SKAP1: variants seen among roughly 807,000 people sequenced by gnomAD.
SKAP1 encodes src kinase associated phosphoprotein 1, also known as src kinase-associated phosphoprotein 1.
Under a neutral mutation model 58.5 loss-of-function variants are expected in SKAP1, and 44 were observed. The observed-to-expected ratio is 0.75, with a 90% CI of 0.59 to 0.97. The LOEUF (loss-of-function observed/expected upper bound fraction) is 0.97. SKAP1 is among the 50% of genes least tolerant of loss of function. SKAP1 has a pLI of 0.00. For synonymous variants in SKAP1, 127 were observed against 149.7 expected (o/e 0.85, Z 1.11); for missense variants, 390 against 435.2 (o/e 0.90, Z 0.92).
chr17:48,358,484 C>T (rs763890148), intron 3 of SKAP1, among the ~76,000 whole-genome samples: 10 of 152,082 alleles, frequency 6.6e-5, no homozygotes, highest in Non-Finnish European at 1.2e-4. Context: ...TTTGTTCTTC[C>T]ATTCAACATG....
chr17:48,233,948 G>A (rs2065153415), intron 4 of SKAP1, among the ~76,000 whole-genome samples: 1 of 152,162 alleles, frequency 6.6e-6, no homozygotes, highest in Admixed American at 6.5e-5. Flanking sequence ...AGAGTTCCAA[G>A]TTGTTTGAGT....
chr17:48,212,749 T>C (rs1030325047), intron 4 of SKAP1, among the ~76,000 whole-genome samples: 1 of 152,208 alleles, frequency 6.6e-6, no homozygotes, highest in African/African-American at 2.4e-5. Context: ...TCCAATCTGA[T>C]CTCCCTAAAT....
intron 10 of SKAP1, among the ~76,000 whole-genome samples, chr17:48,163,123 C>T (rs191391379): frequency 2.6e-5 from 4 of 152,100 alleles, no homozygotes; most frequent in South Asian, 4.2e-4. Flanking sequence ...AATACTGAAA[C>T]GAATAGCCCA....
chr17:48,282,530 T>C (rs1215539688), intron 4 of SKAP1, among the ~76,000 whole-genome samples: 1 of 152,162 alleles, frequency 6.6e-6, no homozygotes, highest in African/African-American at 2.4e-5. Flanking sequence ...TCTCAGCACT[T>C]TGGGAGGCCA....
intron 4 of SKAP1, among the ~76,000 whole-genome samples, chr17:48,246,529 C>T (rs2065299002): frequency 6.6e-6 from 1 of 152,218 alleles, no homozygotes; most frequent in Non-Finnish European, 1.5e-5. Flanking sequence ...AGTCATCCTT[C>T]AAAGCCTGAT....
chr17:48,433,437 T>C (rs370564901), upstream of SKAP1, among the ~76,000 whole-genome samples: 3 of 152,218 alleles, frequency 2.0e-5, no homozygotes, highest in African/African-American at 7.2e-5. Flanking sequence ...CAGCTGTCTC[T>C]GCACACAGGC....
At position 48,357,585 on chromosome 17, in the gene SKAP1, G is replaced by A. The variant is rs549389361; in HGVS notation, c.178+6204C>T. On this transcript the variant is annotated intron_variant, in intron 3 of 12. Transcript: ENST00000336915. ...GCAGAGCTTGCAGTGAGCCAAGATC[G>A]TGCCACTGCACTCCAGCCTGGGTGA... Among the ~76,000 whole-genome samples, 11 of 152,092 alleles carry A rather than the reference G, an allele frequency of 7.2e-5. No individual in the cohort carries two copies. The East Asian group carries it at 9.7e-4, about 13-fold the overall frequency.
intron 4 of SKAP1, among the ~76,000 whole-genome samples, chr17:48,297,234 T>G (rs2065989196): frequency 6.6e-6 from 1 of 152,204 alleles, no homozygotes; most frequent in Middle Eastern, 3.2e-3. Context: ...ACATGGTTAT[T>G]TTAAACTATT....
intron 4 of SKAP1, among the ~76,000 whole-genome samples, chr17:48,248,127 T>C (rs748332680): frequency 6.6e-6 from 1 of 152,212 alleles, no homozygotes; most frequent in Non-Finnish European, 1.5e-5. Context: ...ACAGACCTCA[T>C]AGTGTAGAAC....
At chr17:48,287,864 A>G (rs2065850981) in intron 4 of SKAP1, among the ~76,000 whole-genome samples, 1 of 152,260 alleles carries the variant, frequency 6.6e-6, no homozygotes, top group South Asian at 2.1e-4. Flanking sequence ...AATTGTTCAC[A>G]GTAAATATTT....
chr17:48,427,436 ATAC>A (rs1371906515), intron 1 of SKAP1, among the ~76,000 whole-genome samples: 1 of 152,126 alleles, frequency 6.6e-6, no homozygotes, highest in African/African-American at 2.4e-5. Context: ...CTTCGTGCAT[ATAC>A]TACTTCATGA....
In SKAP1 at chr17:48,304,726, G is replaced by A. The variant is rs74666004; in HGVS notation, c.280+41179C>T. 7.5e-3 allele frequency among the ~76,000 whole-genome samples: 1,147 copies of A among 152,318 alleles called. 75 individuals carry two copies. The East Asian group carries it at 0.16, about 22-fold the overall frequency. On this transcript the variant is annotated intron_variant, in intron 4 of 12. Transcript: ENST00000336915. ...GTTTTCCAAAGACAAGCTATGGGAA[G>A]TCTTGTTTTCCAAGGCAGGTTTCAA...
intron 4 of SKAP1, among the ~76,000 whole-genome samples, chr17:48,282,955 TA>T (rs1032295474): frequency 6.6e-6 from 1 of 152,038 alleles, no homozygotes; most frequent in Non-Finnish European, 1.5e-5. Context: ...TCAGTTTGGC[TA>T]AAAAAAGCAA....
chr17:48,155,993 G>A (rs577385275), intron 11 of SKAP1, among the ~76,000 whole-genome samples: 61 of 152,312 alleles, frequency 4.0e-4, no homozygotes, highest in African/African-American at 1.5e-3. Flanking sequence ...GTCATGCCTG[G>A]TGCCCAGGCC....
chr17:48,324,422 T>C (rs962543497), intron 4 of SKAP1, among the ~76,000 whole-genome samples: 1 of 152,134 alleles, frequency 6.6e-6, no homozygotes, highest in African/African-American at 2.4e-5. Flanking sequence ...TTCTGAAAAG[T>C]AACTTTCATT....
At chr17:48,374,078 A>G (rs1283194386) in intron 2 of SKAP1, among the ~76,000 whole-genome samples, 1 of 152,168 alleles carries the variant, frequency 6.6e-6, no homozygotes, top group Non-Finnish European at 1.5e-5. Flanking sequence ...TCTGCTGCCC[A>G]TGCTGGAGCG....
At chr17:48,263,557 A>T (rs2065506469) in intron 4 of SKAP1, among the ~76,000 whole-genome samples, 1 of 152,184 alleles carries the variant, frequency 6.6e-6, no homozygotes, top group African/African-American at 2.4e-5. Flanking sequence ...TCTATCTTCT[A>T]TTCAGGGCAG....
At chr17:48,377,903 C>G (rs1249475064) in intron 2 of SKAP1, among the ~76,000 whole-genome samples, 2 of 152,212 alleles carry the variant, frequency 1.3e-5, no homozygotes, top group Admixed American at 6.5e-5. Context: ...TTACTCTTCT[C>G]TTTCAGGAGT....
At chr17:48,328,052 G>A (rs988322525) in intron 4 of SKAP1, among the ~76,000 whole-genome samples, 2 of 152,196 alleles carry the variant, frequency 1.3e-5, no homozygotes, top group African/African-American at 4.8e-5. Context: ...TGGCAAGAGT[G>A]AGATCAGAGA....
Sources: gnomAD v4.1 joint callset for allele counts (sites outside exome capture counted in the v4.1 genomes callset) on GRCh38, gnomAD v4.1.1 for gene constraint, MANE v1.5 for transcripts, NCBI Gene and HGNC (gene_info 2026-07-23, HGNC 2026-07-21) for gene names.